Variants in GRIK1 observed in about 807,000 individuals in gnomAD.
GRIK1 encodes glutamate receptor ionotropic, kainate 1.
A neutral mutation model predicts 105.7 loss-of-function variants in GRIK1; 69 were observed. That is an observed-to-expected ratio of 0.65 (90% CI 0.54 to 0.80). The LOEUF (loss-of-function observed/expected upper bound fraction) is 0.80, where lower values mean the gene tolerates loss of function less well. Among genes scored for constraint, GRIK1 ranks in the 30% least tolerant of loss-of-function variants. The probability of loss-of-function intolerance (pLI) is 0.00; values close to 1 mark genes in which losing one functional copy is unlikely to be tolerated. For missense variants in GRIK1, 1,109 were observed against 1,167.3 expected, an observed-to-expected ratio of 0.95 and a Z score of 0.73; for synonymous variants, 438 against 431.3, an observed-to-expected ratio of 1.02 and a Z score of -0.19.
chr21:29,683,818 C>T (rs2063427998), intron 3 of GRIK1, among the ~76,000 whole-genome samples: 1 of 152,148 alleles, frequency 6.6e-6, no homozygotes, highest in Non-Finnish European at 1.5e-5. Context: ...ATATGCAAAG[C>T]CTCCATGATA....
intron 4 of GRIK1, among the ~76,000 whole-genome samples, chr21:29,671,560 T>C (rs956785423): frequency 1.3e-5 from 2 of 151,834 alleles, no homozygotes; most frequent in East Asian, 3.9e-4. Flanking sequence ...CACCAGAGAG[T>C]CAGGCCAGAT....
intron 1 of GRIK1, among the ~76,000 whole-genome samples, chr21:29,885,103 T>C (rs1487536603): frequency 1.3e-5 from 2 of 152,076 alleles, no homozygotes; most frequent in Non-Finnish European, 2.9e-5. Context: ...ATTATGCATA[T>C]TTATTGAGCA....
At chr21:29,916,091 A>C (rs1275335543) in intron 1 of GRIK1, among the ~76,000 whole-genome samples, 1 of 129,916 alleles carries the variant, frequency 7.7e-6, no homozygotes, top group East Asian at 2.2e-4. Flanking sequence ...TTATTATTGC[A>C]ATTTTCTTAC....
At chr21:29,814,965 C>G (rs1300084476) in intron 1 of GRIK1, among the ~76,000 whole-genome samples, 2 of 152,058 alleles carry the variant, frequency 1.3e-5, no homozygotes, top group Non-Finnish European at 2.9e-5. Flanking sequence ...CTCTCTGGAC[C>G]TGTAAAATGG....
intron 1 of GRIK1, among the ~76,000 whole-genome samples, chr21:29,824,931 T>C (rs2067409729): frequency 6.6e-6 from 1 of 152,002 alleles, no homozygotes; most frequent in South Asian, 2.1e-4. Context: ...GGAGTGATGG[T>C]GACTTGAGTG....
At chr21:29,890,216 T>C (rs916701494) in intron 1 of GRIK1, among the ~76,000 whole-genome samples, 3 of 152,222 alleles carry the variant, frequency 2.0e-5, no homozygotes, top group Admixed American at 6.5e-5. Flanking sequence ...TTACAAACTA[T>C]GTTTCTCAAG....
chr21:29,651,316 A>G (rs1011662183), intron 5 of GRIK1, 25 bp from the exon 6 acceptor site: 1 of 1,496,662 alleles, frequency 6.7e-7, no homozygotes, highest in Non-Finnish European at 9.1e-7. Context: ...AAAGGATAAC[A>G]GTGGAAAATA....
At chr21:29,813,705 C>T (rs191817951) in intron 1 of GRIK1, among the ~76,000 whole-genome samples, 186 of 152,206 alleles carry the variant, frequency 1.2e-3, no homozygotes, top group Non-Finnish European at 1.8e-3. Context: ...GTAGCAATTC[C>T]TTCCTGGAGC....
chr21:29,835,598 G>C (rs773607983), intron 1 of GRIK1, among the ~76,000 whole-genome samples: 1 of 152,092 alleles, frequency 6.6e-6, no homozygotes, highest in Non-Finnish European at 1.5e-5. Context: ...GGACATTTTA[G>C]GGTATTAAAA....
chr21:29,644,110 A>G (rs1343752657), intron 6 of GRIK1, among the ~76,000 whole-genome samples: 1 of 152,108 alleles, frequency 6.6e-6, no homozygotes, highest in Non-Finnish European at 1.5e-5. Context: ...AAATTGGTTG[A>G]TTCATTCAAC....
intron 1 of GRIK1, among the ~76,000 whole-genome samples, chr21:29,888,776 C>A (rs1464115051): frequency 6.6e-6 from 1 of 152,198 alleles, no homozygotes; most frequent in Non-Finnish European, 1.5e-5. Flanking sequence ...GGCCAGATAG[C>A]TGTACTCACC....
At chr21:29,698,847 C>CTTATTCACAAAAA (rs2063760785) in intron 1 of GRIK1, among the ~76,000 whole-genome samples, 1 of 152,118 alleles carries the variant, frequency 6.6e-6, no homozygotes, top group Non-Finnish European at 1.5e-5. Context: ...ATGAGTCTGT[C>CTTATTCACAAAAA]TTATGTGAAT....
At chr21:29,872,275 G>A (rs2069044810) in intron 1 of GRIK1, among the ~76,000 whole-genome samples, 1 of 148,822 alleles carries the variant, frequency 6.7e-6, no homozygotes, top group East Asian at 2.0e-4. Context: ...CTCACTGCAA[G>A]CTCCGCTTCC....
chr21:29,861,346 A>G (rs1249848144), intron 1 of GRIK1, among the ~76,000 whole-genome samples: 1 of 151,618 alleles, frequency 6.6e-6, no homozygotes, highest in African/African-American at 2.4e-5. Flanking sequence ...TCACTCTGTC[A>G]CCCAGGTTGG....
At chr21:29,921,768 G>A (rs16985415) in intron 1 of GRIK1, among the ~76,000 whole-genome samples, 2,902 of 152,142 alleles carry the variant, frequency 0.019, 107 homozygotes, top group African/African-American at 0.067. Flanking sequence ...ACAAATTAAC[G>A]TACGCTAAAA....
intron 3 of GRIK1, among the ~76,000 whole-genome samples, chr21:29,685,874 A>G (rs897629483): frequency 2.6e-5 from 4 of 152,222 alleles, no homozygotes; most frequent in African/African-American, 9.6e-5. Context: ...TAAGTGGAGC[A>G]TAGAAGCTAG....
intron 1 of GRIK1, among the ~76,000 whole-genome samples, chr21:29,937,202 G>C (rs561102150): frequency 2.0e-5 from 3 of 152,210 alleles, no homozygotes; most frequent in Non-Finnish European, 4.4e-5. Context: ...AGAGAAACAG[G>C]TTTCCTCTGA....
intron 1 of GRIK1, among the ~76,000 whole-genome samples, chr21:29,904,350 GT>G (rs946797688): frequency 6.6e-6 from 1 of 150,428 alleles, no homozygotes; most frequent in Admixed American, 6.6e-5. Flanking sequence ...ACCTAAATTT[GT>G]TTTTTTTTAA....
chr21:29,882,250 A>G (rs1021961386), intron 1 of GRIK1, among the ~76,000 whole-genome samples: 17 of 152,108 alleles, frequency 1.1e-4, no homozygotes, highest in Non-Finnish European at 2.2e-4. Flanking sequence ...CATTAATTCC[A>G]TGGTTCCCTG....
Sources: gnomAD v4.1 joint callset for allele counts (sites outside exome capture counted in the v4.1 genomes callset) on GRCh38, gnomAD v4.1.1 for gene constraint, MANE v1.5 for transcripts, NCBI Gene and HGNC (gene_info 2026-07-23, HGNC 2026-07-21) for gene names.